Variants in FGFR2 observed in about 807,000 individuals in gnomAD.
FGFR2 encodes BEK fibroblast growth factor receptor.
FGFR2 carries 19 observed loss-of-function variants against 95.9 expected under a neutral mutation model. The observed-to-expected ratio is 0.20, with a 90% CI of 0.14 to 0.29. The LOEUF (loss-of-function observed/expected upper bound fraction) is 0.29. FGFR2 is among the 10% of genes least tolerant of loss of function. The probability of loss-of-function intolerance (pLI) is 1.00; values close to 1 mark genes in which losing one functional copy is unlikely to be tolerated. For synonymous variants in FGFR2, 392 were observed against 393.3 expected, an observed-to-expected ratio of 1.00 and a Z score of 0.04; for missense variants, 707 against 1,056.9, an observed-to-expected ratio of 0.67 and a Z score of 4.59.
In FGFR2 at chr10:121,518,056, C is replaced by G. The variant is rs751721836; in HGVS notation, c.940-593G>C. 2.0e-6 allele frequency: 1 copy of G among 497,386 alleles called. No homozygotes were observed. The highest frequency in any genetic ancestry group is 5.6e-5 in the East Asian group (1 of 17,914). 30.8% of individuals were successfully genotyped at this position (497,386 alleles called of 1,614,324 possible). On this transcript the variant is annotated intron_variant, in intron 7 of 17. Transcript: ENST00000358487. This position sits in a 1 kb window ranked among gnomAD's most constrained non-coding sequence, Gnocchi z 4.0. ...TGGAAGCAAGCATCATCTTGGTAAC[C>G]AAAAAAACTGGGCTTTTTCTCTTTT... is the stretch of plus-strand genomic sequence containing the variant.
intron 2 of FGFR2, among the ~76,000 whole-genome samples, chr10:121,592,655 T>C (rs1862829339): frequency 6.6e-6 from 1 of 152,136 alleles, no homozygotes; most frequent in Non-Finnish European, 1.5e-5. Context: ...CTGGGCTCTC[T>C]GTCCTCTCCC....
In FGFR2 at chr10:121,598,212, G is replaced by T. The variant is rs1863728349; in HGVS notation, c.-401C>A. 5.0e-6 allele frequency: 2 copies of T among 397,494 alleles called. No homozygotes were observed. Among genetic ancestry groups the T allele is most frequent in the African/African-American group, 2.1e-5 (1 of 48,590 alleles). 24.6% of individuals were successfully genotyped at this position (397,494 alleles called of 1,614,324 possible). A position where few individuals can be genotyped will look rare whatever the true frequency, so the allele number is the denominator to read the frequency against. Reference sequence around the variant, plus strand: ...GAAGAAAGGACTCAGGCTTGGCGTTGCCTCCACCAAACTTTGCTCGCGAGT... The same window carrying T: ...GAAGAAAGGACTCAGGCTTGGCGTTTCCTCCACCAAACTTTGCTCGCGAGT... On this transcript the variant is annotated 5_prime_UTR_variant, in exon 1 of 18. Coordinates refer to ENST00000358487, the MANE Select transcript of FGFR2 (RefSeq NM_000141.5).
intron 5 of FGFR2, among the ~76,000 whole-genome samples, chr10:121,540,053 G>A (rs920720563): frequency 1.3e-5 from 2 of 152,188 alleles, no homozygotes; most frequent in Non-Finnish European, 2.9e-5. Context: ...TCTAAAACGA[G>A]GTCGCTGCTC....
At chr10:121,572,114 G>A (rs1209310513) in intron 2 of FGFR2, among the ~76,000 whole-genome samples, 1 of 134,210 alleles carries the variant, frequency 7.5e-6, no homozygotes, top group Non-Finnish European at 1.5e-5. Context: ...AGGAGTTCAA[G>A]ACCAGCCTAG....
At chr10:121,494,202 G>A (rs914664181) in intron 13 of FGFR2, among the ~76,000 whole-genome samples, 2 of 151,900 alleles carry the variant, frequency 1.3e-5, no homozygotes, top group Non-Finnish European at 2.9e-5. Flanking sequence ...CATGAGTAAG[G>A]CCTTATCCCC....
At chr10:121,483,580 A>G in intron 17 of FGFR2, 118 bp downstream of exon 17, 2 of 749,036 alleles carry the variant, frequency 2.7e-6, no homozygotes, top group Non-Finnish European at 4.8e-6. Flanking sequence ...CCTATGGAAA[A>G]AGAATAAACA....
intron 9 of FGFR2, among the ~76,000 whole-genome samples, chr10:121,505,696 A>G (rs138210479): frequency 2.5e-4 from 38 of 152,306 alleles, no homozygotes; most frequent in Non-Finnish European, 4.4e-4. Flanking sequence ...AGTCCCCGCC[A>G]TGTGGTATCC....
At chr10:121,571,237 C>T (rs865922644) in intron 2 of FGFR2, among the ~76,000 whole-genome samples, 2 of 149,144 alleles carry the variant, frequency 1.3e-5, no homozygotes, top group Non-Finnish European at 3.0e-5. Flanking sequence ...CCTCGTGATA[C>T]GCCCACCTCA....
intron 6 of FGFR2, among the ~76,000 whole-genome samples, chr10:121,534,145 C>G (rs1176670916): frequency 7.4e-6 from 1 of 135,742 alleles, no homozygotes; most frequent in Admixed American, 8.5e-5. Context: ...GTCGCCCAGG[C>G]TGGAGTGCAA....
At chr10:121,577,120 G>A (rs1392269598) in intron 2 of FGFR2, among the ~76,000 whole-genome samples, 1 of 105,676 alleles carries the variant, frequency 9.5e-6, no homozygotes, top group Admixed American at 1.3e-4. Context: ...GGATGACAGA[G>A]CGAGACTCCA....
intron 4 of FGFR2, 180 bp downstream of exon 4, chr10:121,564,322 G>A: frequency 1.6e-6 from 1 of 634,560 alleles, no homozygotes; most frequent in Non-Finnish European, 2.8e-6. Flanking sequence ...GATAGAGAAG[G>A]CTGTGCAGCA....
At chr10:121,555,417 C>A (rs1856003139) in intron 4 of FGFR2, among the ~76,000 whole-genome samples, 1 of 152,076 alleles carries the variant, frequency 6.6e-6, no homozygotes. Flanking sequence ...AATCTGCAAG[C>A]TAAGGACACA....
intron 2 of FGFR2, among the ~76,000 whole-genome samples, chr10:121,588,148 C>A (rs1379951182): frequency 2.0e-5 from 3 of 152,036 alleles, no homozygotes; most frequent in African/African-American, 7.2e-5. Flanking sequence ...ATACAGAAAA[C>A]CAAATACTGC....
At chr10:121,595,428 AGTGTGT>A (rs963423901) in intron 1 of FGFR2, among the ~76,000 whole-genome samples, 1 of 151,788 alleles carries the variant, frequency 6.6e-6, no homozygotes, top group Non-Finnish European at 1.5e-5. Context: ...GTATGTGTGC[AGTGTGT>A]GTGTGTGTAC....
At chr10:121,594,088 T>C in intron 1 of FGFR2, 121 bp from the exon 2 acceptor site, 5 of 559,854 alleles carry the variant, frequency 8.9e-6, no homozygotes, top group Non-Finnish European at 1.6e-5. Context: ...TTTTTCATTA[T>C]CTGCTAAATC....
chr10:121,505,296 T>A (rs1343463983), intron 9 of FGFR2, among the ~76,000 whole-genome samples: 8 of 152,192 alleles, frequency 5.3e-5, no homozygotes, highest in Admixed American at 5.2e-4. Flanking sequence ...ATTTTAGGAT[T>A]AGGAAGTTGT....
At chr10:121,534,187 C>T (rs187072631) in intron 6 of FGFR2, among the ~76,000 whole-genome samples, 33 of 149,752 alleles carry the variant, frequency 2.2e-4, no homozygotes, top group East Asian at 1.8e-3. Context: ...CAACCTCTGC[C>T]TCCTGCGTTC....
chr10:121,561,745 G>T (rs1439478715), intron 4 of FGFR2, among the ~76,000 whole-genome samples: 1 of 152,180 alleles, frequency 6.6e-6, no homozygotes, highest in Non-Finnish European at 1.5e-5. Context: ...TCAAGAGAAT[G>T]AAAAGGCAAG....
intron 2 of FGFR2, among the ~76,000 whole-genome samples, chr10:121,571,899 C>T (rs937983621): frequency 2.1e-4 from 31 of 150,742 alleles, no homozygotes; most frequent in African/African-American, 7.1e-4. Flanking sequence ...GCTGAGCTCA[C>T]GCCATTGCAC....
Sources: allele counts gnomAD v4.1 joint callset (sites outside exome capture counted in the v4.1 genomes callset), GRCh38; gene constraint gnomAD v4.1.1; non-coding constraint Gnocchi (gnomAD v3.1); transcripts MANE v1.5; gene names NCBI Gene and HGNC (gene_info 2026-07-23, HGNC 2026-07-21).